The following GLRA2 variants were observed in gnomAD, a reference collection of about 807,000 sequenced individuals.
GLRA2 encodes glycine receptor subunit alpha-2.
A neutral mutation model predicts 31.6 loss-of-function variants in GLRA2; 11 were observed. That is an observed-to-expected ratio of 0.35 (90% CI 0.22 to 0.58). The LOEUF (loss-of-function observed/expected upper bound fraction) is 0.58, where lower values mean the gene tolerates loss of function less well. Ranked by LOEUF, GLRA2 falls within the 20% of genes least tolerant of loss-of-function variation. The pLI is 0.84. For synonymous variants in GLRA2, 132 were observed against 134.0 expected, an observed-to-expected ratio of 0.99 and a Z score of 0.10; for missense variants, 212 against 351.8, an observed-to-expected ratio of 0.60 and a Z score of 3.18.
chrX:14,544,035 A>T (rs984948105), intron 2 of GLRA2, among the ~76,000 whole-genome samples: 1 of 111,590 alleles, frequency 9.0e-6, no homozygotes, highest in Admixed American at 9.5e-5. Flanking sequence ...CCAGAAAGAG[A>T]ATATTCATAA....
intron 7 of GLRA2, among the ~76,000 whole-genome samples, chrX:14,657,306 T>C (rs1036412109): frequency 1.8e-5 from 2 of 112,306 alleles, no homozygotes; most frequent in Admixed American, 9.4e-5. Flanking sequence ...CTTTCCAATA[T>C]AGTAATATTT....
intron 8 of GLRA2, among the ~76,000 whole-genome samples, chrX:14,696,128 TAGAAGGGAAGAA>T (rs1160821108): frequency 9.7e-6 from 1 of 102,947 alleles, no homozygotes; most frequent in Non-Finnish European, 2.0e-5. Context: ...GAAGAGAATG[TAGAAGGGAAGAA>T]GGAAGGAAGA....
At chrX:14,721,120 CAAAAAA>C (rs35339624) in intron 8 of GLRA2, among the ~76,000 whole-genome samples, 1 of 71,718 alleles carries the variant, frequency 1.4e-5, no homozygotes. Context: ...GACCCTGTCT[CAAAAAA>C]AAAAAAAAAA....
intron 4 of GLRA2, among the ~76,000 whole-genome samples, chrX:14,595,858 G>A (rs1195467691): frequency 8.9e-6 from 1 of 112,061 alleles, no homozygotes; most frequent in Non-Finnish European, 1.9e-5. Flanking sequence ...ATAATAAATT[G>A]AAACTATTAG....
chrX:14,643,212 G>A (rs1268344619), intron 7 of GLRA2, among the ~76,000 whole-genome samples: 1 of 111,703 alleles, frequency 9.0e-6, no homozygotes, highest in Non-Finnish European at 1.9e-5. Context: ...CCAAGCTCCA[G>A]GTGAAAACAC....
intron 1 of GLRA2, 88 bp downstream of exon 1, chrX:14,530,213 A>G: frequency 1.8e-6 from 1 of 559,319 alleles, no homozygotes; most frequent in East Asian, 3.5e-5. Flanking sequence ...GCTCTGGACT[A>G]TATTATTTTA....
At chrX:14,459,354 G>A in the GLRA2 span, among the ~76,000 whole-genome samples, 2 of 111,185 alleles carry the variant, frequency 1.8e-5, no homozygotes, top group Non-Finnish European at 3.8e-5. Flanking sequence ...TTGGCAATGA[G>A]GGCTCTTTTT....
chrX:14,683,994 T>A (rs1211078330), intron 7 of GLRA2, among the ~76,000 whole-genome samples: 28 of 111,036 alleles, frequency 2.5e-4, no homozygotes, highest in African/African-American at 8.9e-4. Flanking sequence ...TTTGATGGGA[T>A]TTTGCTACGT....
intron 3 of GLRA2, among the ~76,000 whole-genome samples, chrX:14,577,595 A>C (rs1011001848): frequency 8.9e-6 from 1 of 112,060 alleles, no homozygotes; most frequent in Non-Finnish European, 1.9e-5. Flanking sequence ...TGAGAACTCT[A>C]TTTGGGTTAC....
At chrX:14,467,692 T>C in the GLRA2 span, among the ~76,000 whole-genome samples, 1 of 110,994 alleles carries the variant, frequency 9.0e-6, no homozygotes, top group Admixed American at 9.6e-5. Flanking sequence ...ATAAAACTAG[T>C]GGGAATAGCT....
the GLRA2 span, among the ~76,000 whole-genome samples, chrX:14,496,987 A>C: frequency 8.9e-6 from 1 of 111,917 alleles, no homozygotes; most frequent in African/African-American, 3.2e-5. Context: ...ACACATGTTA[A>C]ATTTAGTCTA....
At chrX:14,456,893 C>A in the GLRA2 span, among the ~76,000 whole-genome samples, 2 of 112,010 alleles carry the variant, frequency 1.8e-5, no homozygotes, top group African/African-American at 6.5e-5. Context: ...ATTGCTGGAT[C>A]TTATGGTAGT....
At chrX:14,626,662 C>T (rs1374087277) in intron 7 of GLRA2, among the ~76,000 whole-genome samples, 1 of 111,524 alleles carries the variant, frequency 9.0e-6, no homozygotes, top group Non-Finnish European at 1.9e-5. Flanking sequence ...AGAGCCCAAC[C>T]AGGTATAAGA....
At chrX:14,600,804 A>C (rs898093527) in intron 4 of GLRA2, among the ~76,000 whole-genome samples, 8 of 111,598 alleles carry the variant, frequency 7.2e-5, no homozygotes, top group African/African-American at 2.6e-4. Context: ...CTTCTGTCTA[A>C]TTGAGGCTTT....
At chrX:14,576,329 G>A (rs1384444243) in intron 3 of GLRA2, among the ~76,000 whole-genome samples, 1 of 111,145 alleles carries the variant, frequency 9.0e-6, no homozygotes, top group Non-Finnish European at 1.9e-5. Flanking sequence ...ACCTAAATAG[G>A]ATAGTTTTGA....
At position 14,615,019 on chromosome X, in the gene GLRA2, T is replaced by G. The variant is rs146229729; in HGVS notation, c.930+5814T>G. Reference sequence around the variant, plus strand: ...CTTCTAGAAAGTACTGTATCTGGCATGTATATGTGCAGCGTCTCCCTTTAG... The same window carrying G: ...CTTCTAGAAAGTACTGTATCTGGCAGGTATATGTGCAGCGTCTCCCTTTAG... On this transcript the variant is annotated intron_variant, in intron 7 of 8. Transcript: ENST00000218075. 3.2e-3 allele frequency among the ~76,000 whole-genome samples: 357 copies of G among 112,305 alleles called. 1 individual carries two copies. Among genetic ancestry groups the G allele is most frequent in the Non-Finnish European group, 5.3e-3 (280 of 53,121 alleles).
rs1223415389 is a variant in GLRA2 at position 14,728,959 on chromosome X, T to C, written c.1081-1248T>C. Among the ~76,000 whole-genome samples, 4 of 112,370 alleles carry C rather than the reference T, an allele frequency of 3.6e-5. No individual in the cohort carries two copies. In the Admixed American group the frequency reaches 3.8e-4, roughly 11 times the overall value. ...ATCAAGTGTAATTAACTGAAATAGT[T>C]CTTCTCACCTTCCTTACCTCTCCAG... On this transcript the variant is annotated intron_variant, in intron 8 of 8. Coordinates refer to ENST00000218075, the MANE Select transcript of GLRA2 (RefSeq NM_002063.4).
the GLRA2 span, among the ~76,000 whole-genome samples, chrX:14,472,981 A>G: frequency 9.0e-6 from 1 of 111,373 alleles, no homozygotes; most frequent in Admixed American, 9.6e-5. Flanking sequence ...CATGACCCAG[A>G]GAAATTCCTT....
At chrX:14,621,251 G>A (rs897023997) in intron 7 of GLRA2, among the ~76,000 whole-genome samples, 8 of 111,284 alleles carry the variant, frequency 7.2e-5, no homozygotes, top group Admixed American at 9.6e-5. Context: ...AGAATCAGTT[G>A]AGGAGATTTC....
Sources: allele counts gnomAD v4.1 joint callset (sites outside exome capture counted in the v4.1 genomes callset), GRCh38; gene constraint gnomAD v4.1.1; transcripts MANE v1.5; gene names NCBI Gene and HGNC (gene_info 2026-07-23, HGNC 2026-07-21).